TNNI3K: variants seen among roughly 807,000 people sequenced by gnomAD.
The protein encoded by TNNI3K is serine/threonine-protein kinase TNNI3K.
A neutral mutation model predicts 114.5 loss-of-function variants in TNNI3K; 140 were observed. That is an observed-to-expected ratio of 1.22 (90% CI 1.07 to 1.41). The LOEUF (loss-of-function observed/expected upper bound fraction) is 1.41. Ranked by LOEUF, TNNI3K falls within the 40% of genes most tolerant of loss-of-function variation. TNNI3K has a pLI of 0.00. For synonymous variants in TNNI3K, 347 were observed against 347.5 expected (o/e 1.00, Z 0.02); for missense variants, 1,125 against 1,007.6 (o/e 1.12, Z -1.58).
At chr1:74,460,115 G>T (rs1430308678) in intron 20 of TNNI3K, among the ~76,000 whole-genome samples, 1 of 148,864 alleles carries the variant, frequency 6.7e-6, no homozygotes, top group African/African-American at 2.5e-5. Context: ...TTGCTCTGTC[G>T]CCCAGGCTGG....
chr1:74,452,822 G>C (rs1198178800), intron 20 of TNNI3K, among the ~76,000 whole-genome samples: 1 of 152,098 alleles, frequency 6.6e-6, no homozygotes, highest in East Asian at 1.9e-4. Flanking sequence ...GTCATCCAGA[G>C]TCATCCCAAC....
At chr1:74,525,155 G>A (rs933035286) in intron 23 of TNNI3K, among the ~76,000 whole-genome samples, 2 of 152,116 alleles carry the variant, frequency 1.3e-5, no homozygotes, top group Admixed American at 1.3e-4. Flanking sequence ...AAGATAAGTA[G>A]CATTATTCAG....
At chr1:74,497,193 T>C (rs542912970) in intron 23 of TNNI3K, among the ~76,000 whole-genome samples, 10 of 152,258 alleles carry the variant, frequency 6.6e-5, no homozygotes, top group Non-Finnish European at 1.3e-4. Flanking sequence ...GATAGCACCA[T>C]GACACTGATG....
intron 5 of TNNI3K, among the ~76,000 whole-genome samples, chr1:74,309,378 A>AAAAAAAAAAC: frequency 6.8e-6 from 1 of 147,344 alleles, no homozygotes; most frequent in South Asian, 2.2e-4. Context: ...AAAAAAAAAA[A>AAAAAAAAAAC]AAAGAAGAGA....
chr1:74,465,016 A>G lies in TNNI3K; in HGVS notation c.2121+1466A>G, dbSNP rs972083102. On this transcript the variant is annotated intron_variant, in intron 21 of 24. Transcript: ENST00000326637. The stretch of plus-strand genomic sequence containing the variant: ...TTACATCACATAAAATAGTTTAGGA[A>G]AACATTTTCTTGTATTTCAGTGTGA... 12 of 1,128,298 alleles carry G rather than the reference A, an allele frequency of 1.1e-5. No individual in the cohort carries two copies. In the African/African-American group the frequency reaches 1.8e-4, roughly 17 times the overall value. The allele number at this position is 1,128,298 out of a possible 1,614,324, so 69.9% of individuals were successfully genotyped here. A position where few individuals can be genotyped will look rare whatever the true frequency, so the allele number is the denominator to read the frequency against.
intron 23 of TNNI3K, among the ~76,000 whole-genome samples, chr1:74,493,550 T>C (rs146459414): frequency 6.6e-6 from 1 of 152,358 alleles, no homozygotes; most frequent in African/African-American, 2.4e-5. Flanking sequence ...ATATCTGTCA[T>C]ATAATGCTAT....
intron 6 of TNNI3K, among the ~76,000 whole-genome samples, chr1:74,333,186 A>T (rs1247278851): frequency 6.6e-6 from 1 of 152,184 alleles, no homozygotes; most frequent in East Asian, 1.9e-4. Flanking sequence ...CCCTGTGCTC[A>T]ATAGTCATTG....
At chr1:74,311,878 CTT>C (rs1659014871) in intron 5 of TNNI3K, among the ~76,000 whole-genome samples, 1 of 152,242 alleles carries the variant, frequency 6.6e-6, no homozygotes, top group African/African-American at 2.4e-5. Context: ...AATTTACAAA[CTT>C]TATAACATTC....
At chr1:74,337,386 T>C (rs1173876632) in intron 7 of TNNI3K, among the ~76,000 whole-genome samples, 3 of 151,788 alleles carry the variant, frequency 2.0e-5, no homozygotes, top group Non-Finnish European at 4.4e-5. Context: ...TGGCTTTTGT[T>C]GCCATTGCTT....
chr1:74,257,665 T>TACCTC (rs1407774790), intron 4 of TNNI3K, among the ~76,000 whole-genome samples: 3 of 117,240 alleles, frequency 2.6e-5, no homozygotes, highest in African/African-American at 8.9e-5. Flanking sequence ...GCTTACCTCT[T>TACCTC]TTTTTTTTTT....
chr1:74,253,885 A>G (rs1655116706), intron 4 of TNNI3K, among the ~76,000 whole-genome samples: 1 of 152,206 alleles, frequency 6.6e-6, no homozygotes. Context: ...GAGGGCTGCA[A>G]GAGCTGCCAG....
intron 17 of TNNI3K, among the ~76,000 whole-genome samples, chr1:74,384,452 G>A (rs1570553671): frequency 6.6e-6 from 1 of 152,048 alleles, no homozygotes; most frequent in Non-Finnish European, 1.5e-5. Flanking sequence ...TGCTTTTGAA[G>A]AAAAATACAA....
chr1:74,329,145 A>G (rs1219045737), intron 5 of TNNI3K, among the ~76,000 whole-genome samples: 2 of 152,078 alleles, frequency 1.3e-5, no homozygotes, highest in African/African-American at 4.8e-5. Flanking sequence ...ACTGGTAAAA[A>G]CAAGATTTGA....
At chr1:74,235,537 A>C (rs201569540) in intron 1 of TNNI3K, 46 bp downstream of exon 1, 1 of 1,054,990 alleles carries the variant, frequency 9.5e-7, no homozygotes, top group Non-Finnish European at 1.4e-6. Flanking sequence ...AATATGGTTC[A>C]ATTATAGTTA....
At chr1:74,260,764 A>C (rs1406922177) in intron 4 of TNNI3K, among the ~76,000 whole-genome samples, 1 of 152,112 alleles carries the variant, frequency 6.6e-6, no homozygotes, top group East Asian at 1.9e-4. Context: ...GGTAATCCTA[A>C]CAATATAAAA....
chr1:74,478,756 C>T (rs17095412), intron 21 of TNNI3K, among the ~76,000 whole-genome samples: 1,741 of 152,264 alleles, frequency 0.011, 32 homozygotes, highest in African/African-American at 0.04. Flanking sequence ...ATGCGTGCAT[C>T]TGTGTGTTTT....
intron 17 of TNNI3K, among the ~76,000 whole-genome samples, chr1:74,385,651 A>G (rs1663433915): frequency 6.6e-6 from 1 of 152,196 alleles, no homozygotes; most frequent in South Asian, 2.1e-4. Flanking sequence ...ATTGATGAAT[A>G]CAAACCTGTA....
chr1:74,508,088 A>G (rs541303713), intron 23 of TNNI3K, among the ~76,000 whole-genome samples: 1 of 152,350 alleles, frequency 6.6e-6, no homozygotes, highest in East Asian at 1.9e-4. Context: ...ACACAGACGG[A>G]GGCATTACTA....
At position 74,368,972 on chromosome 1, in the gene TNNI3K, ATG is replaced by A. The variant is rs752655066; in HGVS notation, c.1322-43_1322-42del. 1.6e-4 allele frequency: 234 copies of A among 1,470,790 alleles called. No homozygotes were observed. In the Middle Eastern group the frequency reaches 1.9e-3, roughly 12 times the overall value. The allele number at this position is 1,470,790 out of a possible 1,614,324, so 91.1% of individuals were successfully genotyped here. ...TATATATGCACATGTATACACATCCATGTGTGTGGTTTTTACCTTAAAAAATA... is the reference window on the plus strand; with the variant it reads ...TATATATGCACATGTATACACATCCATGTGTGGTTTTTACCTTAAAAAATA... On this transcript the variant is annotated intron_variant, in intron 13 of 24. Transcript: ENST00000326637.
Sources: gnomAD v4.1 joint callset for allele counts (sites outside exome capture counted in the v4.1 genomes callset) on GRCh38, gnomAD v4.1.1 for gene constraint, MANE v1.5 for transcripts, NCBI Gene and HGNC (gene_info 2026-07-23, HGNC 2026-07-21) for gene names.